The following DIP2B variants were observed in gnomAD, a reference collection of about 807,000 sequenced individuals.
DIP2B encodes the protein DIP2 acetate--CoA ligase B (putative).
A neutral mutation model predicts 198.0 loss-of-function variants in DIP2B; 76 were observed. The ratio of observed to expected loss-of-function variants is 0.38; its 90% CI spans 0.32 to 0.46. The LOEUF (loss-of-function observed/expected upper bound fraction) is 0.46. Ranked by LOEUF, DIP2B falls within the 20% of genes least tolerant of loss-of-function variation. DIP2B has a pLI of 0.99. For synonymous variants in DIP2B, 701 were observed against 739.1 expected, an observed-to-expected ratio of 0.95 and a Z score of 0.84; for missense variants, 1,559 against 1,978.4, an observed-to-expected ratio of 0.79 and a Z score of 4.02.
At chr12:50,593,242 C>T (rs1158912040) in intron 1 of DIP2B, among the ~76,000 whole-genome samples, 2 of 152,166 alleles carry the variant, frequency 1.3e-5, no homozygotes, top group Admixed American at 1.3e-4. Flanking sequence ...TGCAGTGGCT[C>T]ACGCCTGTAA....
intron 1 of DIP2B, among the ~76,000 whole-genome samples, chr12:50,623,997 G>A (rs1033223714): frequency 6.6e-6 from 1 of 152,182 alleles, no homozygotes; most frequent in African/African-American, 2.4e-5. Context: ...CATCTAGATT[G>A]CTGCCAGTTT....
intron 1 of DIP2B, among the ~76,000 whole-genome samples, chr12:50,541,259 T>G (rs1001108900): frequency 2.0e-5 from 3 of 152,162 alleles, no homozygotes; most frequent in Non-Finnish European, 4.4e-5. Flanking sequence ...AATTGTAGTG[T>G]TTCTGTGAAG....
At chr12:50,535,533 A>G (rs1327735232) in intron 1 of DIP2B, among the ~76,000 whole-genome samples, 2 of 151,622 alleles carry the variant, frequency 1.3e-5, no homozygotes, top group Non-Finnish European at 2.9e-5. Context: ...TGCCCGGCTA[A>G]TTTTTGTATT....
intron 1 of DIP2B, among the ~76,000 whole-genome samples, chr12:50,525,228 G>C (rs1383531480): frequency 1.3e-5 from 2 of 152,028 alleles, no homozygotes; most frequent in East Asian, 3.9e-4. Flanking sequence ...TGTGGTGTTG[G>C]GCGCCTGTAG....
chr12:50,540,970 AATTCTTTT>A (rs1428805472), intron 1 of DIP2B, among the ~76,000 whole-genome samples: 2 of 152,250 alleles, frequency 1.3e-5, no homozygotes, highest in Non-Finnish European at 2.9e-5. Flanking sequence ...ATGATTAAAA[AATTCTTTT>A]ATAGACGTCT....
intron 1 of DIP2B, among the ~76,000 whole-genome samples, chr12:50,577,548 TAAA>T (rs569188099): frequency 8.6e-5 from 13 of 150,638 alleles, no homozygotes; most frequent in Admixed American, 4.0e-4. Flanking sequence ...ATAAAAAAAA[TAAA>T]AAAAAGTAAA....
Position 50,737,088 on chromosome 12 carries a change from T to A in DIP2B, c.4154T>A (p.Val1385Asp). The change falls in exon 35 of 38, where the codon GTT becomes GAT. Residue 1385 changes from valine to aspartate, a missense_variant. Physicochemically the swap from Val to Asp is radical, Grantham distance 152. Coordinates refer to ENST00000301180, the MANE Select transcript of DIP2B (RefSeq NM_173602.3). ...GTTAATCCTGAGACCAAAGGGCCGGTTGGAGACTCTCACCTTGGAGAGGTT... is the reference window on the plus strand; with the variant it reads ...GTTAATCCTGAGACCAAAGGGCCGGATGGAGACTCTCACCTTGGAGAGGTT... Reference protein sequence around the residue: ...VIVNPETKGPVGDSHLGEIWV... With the variant: ...VIVNPETKGPDGDSHLGEIWV... The A allele has an allele frequency of 6.2e-7, 1 of 1,614,112 alleles. No individual in the cohort carries two copies. The highest frequency in any genetic ancestry group is 8.5e-7 in the Non-Finnish European group (1 of 1,179,996).
intron 2 of DIP2B, among the ~76,000 whole-genome samples, chr12:50,640,015 C>T (rs1938226149): frequency 6.6e-6 from 1 of 151,992 alleles, no homozygotes; most frequent in East Asian, 1.9e-4. Flanking sequence ...TAACATCGTG[C>T]CTTATTAATA....
Position 50,732,374 on chromosome 12 carries a change from G to T in DIP2B, c.3819G>T (p.Gly1273=). The change falls in exon 32 of 38, where the codon GGG becomes GGT. Residue 1273 remains glycine, a synonymous_variant. Transcript: ENST00000301180. The stretch of plus-strand genomic sequence containing the variant: ...ATAATGGTGTCTTGCAGACCAGAGG[G>T]ATCAACCTCTCCTGCGTCCGGACCT... ...GNQVEVLKTR[G]INLSCVRTCV... is the part of the protein sequence containing the mutation. The T allele has an allele frequency of 6.2e-7, 1 of 1,614,190 alleles. No individual in the cohort carries two copies. The highest frequency in any genetic ancestry group is 8.5e-7 in the Non-Finnish European group (1 of 1,180,022).
intron 4 of DIP2B, among the ~76,000 whole-genome samples, chr12:50,669,031 C>T (rs1250903241): frequency 2.6e-5 from 4 of 152,018 alleles, no homozygotes. Context: ...CACTATTTAT[C>T]TCTCCACCCT....
At chr12:50,619,745 C>T (rs954899865) in intron 1 of DIP2B, among the ~76,000 whole-genome samples, 1 of 152,104 alleles carries the variant, frequency 6.6e-6, no homozygotes, top group African/African-American at 2.4e-5. Flanking sequence ...GAGACTGTTC[C>T]CCATTTCACA....
chr12:50,621,154 A>G (rs1937804203), intron 1 of DIP2B, among the ~76,000 whole-genome samples: 1 of 152,252 alleles, frequency 6.6e-6, no homozygotes, highest in Non-Finnish European at 1.5e-5. Context: ...ATTTAAGAGC[A>G]CAGACTATAA....
chr12:50,732,572 G>A lies in DIP2B; in HGVS notation c.3981+36G>A, dbSNP rs1485782229. On this transcript the variant is annotated intron_variant, in intron 32 of 37. Coordinates refer to ENST00000301180, the MANE Select transcript of DIP2B (RefSeq NM_173602.3). ...TGAAATCTTGTCTGTTGACAAATGGGAGAGGAATATGGAGTATCCCAGAGC... is the reference window on the plus strand; with the variant it reads ...TGAAATCTTGTCTGTTGACAAATGGAAGAGGAATATGGAGTATCCCAGAGC... The A allele has an allele frequency of 2.5e-6, 4 of 1,611,674 alleles. No individual in the cohort carries two copies. In the Admixed American group the frequency reaches 5.0e-5, roughly 20 times the overall value.
chr12:50,589,579 A>T (rs770555929), intron 1 of DIP2B, among the ~76,000 whole-genome samples: 1 of 152,114 alleles, frequency 6.6e-6, no homozygotes, highest in Non-Finnish European at 1.5e-5. Flanking sequence ...TTTATAAGAA[A>T]ATCTAGGGAA....
At chr12:50,677,281 A>G (rs1938962489) in intron 7 of DIP2B, among the ~76,000 whole-genome samples, 1 of 152,046 alleles carries the variant, frequency 6.6e-6, no homozygotes, top group South Asian at 2.1e-4. Flanking sequence ...GGTGCACTCT[A>G]TCTAGAGTGA....
At chr12:50,698,641 A>AG (rs1332604255) in intron 18 of DIP2B, among the ~76,000 whole-genome samples, 174 bp downstream of exon 18, 4 of 152,224 alleles carry the variant, frequency 2.6e-5, no homozygotes, top group African/African-American at 9.6e-5. Context: ...ACCTTCCAGC[A>AG]GTATTGTATG....
At chr12:50,628,992 C>T (rs1937990203) in intron 2 of DIP2B, among the ~76,000 whole-genome samples, 1 of 152,146 alleles carries the variant, frequency 6.6e-6, no homozygotes, top group East Asian at 1.9e-4. Flanking sequence ...GATCCTCCCG[C>T]CTCACCCTCC....
chr12:50,548,954 A>G (rs1025538114), intron 1 of DIP2B, among the ~76,000 whole-genome samples: 1 of 152,214 alleles, frequency 6.6e-6, no homozygotes, highest in Non-Finnish European at 1.5e-5. Context: ...TGTTGCAGTA[A>G]TGTGTGTTCA....
chr12:50,609,124 C>T (rs555845762), intron 1 of DIP2B, among the ~76,000 whole-genome samples: 46 of 151,988 alleles, frequency 3.0e-4, no homozygotes, highest in South Asian at 1.0e-3. Flanking sequence ...CAGAGCAACA[C>T]TCCGTCTCAA....
Sources: gnomAD v4.1 joint callset for allele counts (sites outside exome capture counted in the v4.1 genomes callset) on GRCh38, gnomAD v4.1.1 for gene constraint, MANE v1.5 for transcripts, NCBI Gene and HGNC (gene_info 2026-07-23, HGNC 2026-07-21) for gene names.